Variants in PLSCR2 observed in about 807,000 individuals in gnomAD.
PLSCR2 encodes the protein PL scramblase 2.
In PLSCR2, 18 loss-of-function variants were observed where a neutral mutation model predicts 25.3. The observed-to-expected ratio is 0.71, with a 90% CI of 0.49 to 1.06. PLSCR2 has a LOEUF of 1.06. Among genes scored for constraint, PLSCR2 ranks in the 50% least tolerant of loss-of-function variants. The pLI, the probability that PLSCR2 is intolerant of heterozygous loss-of-function variation, is 0.00. For missense variants in PLSCR2, 243 were observed against 269.5 expected, an observed-to-expected ratio of 0.90 and a Z score of 0.69; for synonymous variants, 88 against 87.3, an observed-to-expected ratio of 1.01 and a Z score of -0.04.
chr3:146,463,244 T>G (rs541760215), upstream of PLSCR2, among the ~76,000 whole-genome samples: 7 of 152,282 alleles, frequency 4.6e-5, no homozygotes, highest in East Asian at 9.7e-4. Context: ...TGGCGAGATC[T>G]GGGCTCACTG....
At chr3:146,406,628 G>C (rs943741814) in intron 2 of PLSCR2, among the ~76,000 whole-genome samples, 1 of 152,152 alleles carries the variant, frequency 6.6e-6, no homozygotes, top group African/African-American at 2.4e-5. Context: ...CCTGACTTAG[G>C]TGCAGTTTTA....
intron 2 of PLSCR2, among the ~76,000 whole-genome samples, chr3:146,418,997 T>G (rs1027233564): frequency 6.6e-6 from 1 of 152,158 alleles, no homozygotes; most frequent in African/African-American, 2.4e-5. Flanking sequence ...GAGCACAATT[T>G]CCTGACATTG....
At chr3:146,442,043 C>T (rs1283323403) in intron 6 of PLSCR2, among the ~76,000 whole-genome samples, 1 of 151,886 alleles carries the variant, frequency 6.6e-6, no homozygotes, top group African/African-American at 2.4e-5. Flanking sequence ...TTATTGACAC[C>T]TGCATTAATT....
intron 2 of PLSCR2, among the ~76,000 whole-genome samples, chr3:146,418,819 T>C: frequency 6.6e-6 from 1 of 152,284 alleles, no homozygotes; most frequent in Non-Finnish European, 1.5e-5. Context: ...GCTCCTCCAT[T>C]GATATTTCCT....
chr3:146,461,967 A>C, upstream of PLSCR2: 1 of 1,350,316 alleles, frequency 7.4e-7, no homozygotes, highest in South Asian at 1.4e-5. Flanking sequence ...CTAAAAAAAA[A>C]AATGACAAAG....
chr3:146,483,948 T>C (rs1210752815), intron 1 of PLSCR2, among the ~76,000 whole-genome samples: 1 of 151,758 alleles, frequency 6.6e-6, no homozygotes, highest in Non-Finnish European at 1.5e-5. Flanking sequence ...GATGGATCAA[T>C]TGACAGAAGT....
At chr3:146,483,806 C>T (rs1167105237) in intron 1 of PLSCR2, among the ~76,000 whole-genome samples, 9 of 150,836 alleles carry the variant, frequency 6.0e-5, no homozygotes, top group Non-Finnish European at 1.2e-4. Flanking sequence ...AAGATCAAAA[C>T]TACACAAATT....
At chr3:146,391,840 T>C (rs1324245144) in intron 3 of PLSCR2, among the ~76,000 whole-genome samples, 2 of 152,124 alleles carry the variant, frequency 1.3e-5, no homozygotes, top group Non-Finnish European at 2.9e-5. Flanking sequence ...TTTACTTATG[T>C]ATGTTTTTTC....
chr3:146,492,299 C>G (rs774460121), intron 1 of PLSCR2, among the ~76,000 whole-genome samples: 3 of 152,134 alleles, frequency 2.0e-5, no homozygotes, highest in Non-Finnish European at 4.4e-5. Context: ...CTTGACCAAA[C>G]AGATGTAACA....
intron 6 of PLSCR2, among the ~76,000 whole-genome samples, chr3:146,443,287 TAA>T (rs2040354743): frequency 6.6e-6 from 1 of 152,058 alleles, no homozygotes; most frequent in Non-Finnish European, 1.5e-5. Context: ...CCTCATAGAA[TAA>T]GTTTGCACGT....
At chr3:146,398,612 ATAAT>A (rs1329508500) in intron 2 of PLSCR2, 1 of 151,472 alleles carries the variant, frequency 6.6e-6, no homozygotes, top group African/African-American at 2.4e-5. Context: ...AAGAAATCTA[ATAAT>A]TAACTAATTT....
upstream of PLSCR2, among the ~76,000 whole-genome samples, chr3:146,461,197 T>C (rs1244275766): frequency 1.3e-5 from 2 of 152,218 alleles, no homozygotes; most frequent in African/African-American, 4.8e-5. Flanking sequence ...CAAGGGACTA[T>C]GTTCCTCAAT....
intron 1 of PLSCR2, among the ~76,000 whole-genome samples, chr3:146,486,384 T>C (rs953988620): frequency 8.7e-6 from 1 of 115,578 alleles, no homozygotes; most frequent in East Asian, 2.5e-4. Flanking sequence ...TCCAGGAGCT[T>C]TTTTTTTTTG....
intron 1 of PLSCR2, among the ~76,000 whole-genome samples, chr3:146,482,613 T>C (rs1037368993): frequency 6.6e-6 from 1 of 152,170 alleles, no homozygotes; most frequent in African/African-American, 2.4e-5. Context: ...TAGGAACACT[T>C]TTACACTGTT....
intron 2 of PLSCR2, among the ~76,000 whole-genome samples, chr3:146,404,532 C>T (rs2038584663): frequency 6.6e-6 from 1 of 152,156 alleles, no homozygotes; most frequent in Non-Finnish European, 1.5e-5. Flanking sequence ...TTGGGGGATG[C>T]ATTCAGACCA....
chr3:146,476,718 C>T (rs1185013277), intron 1 of PLSCR2, among the ~76,000 whole-genome samples: 2 of 152,242 alleles, frequency 1.3e-5, no homozygotes, highest in African/African-American at 4.8e-5. Context: ...CCCCATAGTA[C>T]AGCACACCAG....
chr3:146,407,827 G>A (rs1023503722), intron 2 of PLSCR2, among the ~76,000 whole-genome samples: 3 of 152,094 alleles, frequency 2.0e-5, no homozygotes, highest in Non-Finnish European at 4.4e-5. Flanking sequence ...AGTTGCACTC[G>A]CCTTTCGTAC....
At chr3:146,406,865 G>T (rs1188502137) in intron 2 of PLSCR2, among the ~76,000 whole-genome samples, 2 of 152,178 alleles carry the variant, frequency 1.3e-5, no homozygotes, top group Non-Finnish European at 2.9e-5. Flanking sequence ...GACCCCGTCT[G>T]GTCAGGAATT....
chr3:146,421,183 G>C (rs2039137656), intron 2 of PLSCR2, among the ~76,000 whole-genome samples: 1 of 152,000 alleles, frequency 6.6e-6, no homozygotes, highest in Non-Finnish European at 1.5e-5. Flanking sequence ...TGGGGTTGAA[G>C]ACTTTTTTAC....
Sources: allele counts gnomAD v4.1 joint callset (sites outside exome capture counted in the v4.1 genomes callset), GRCh38; gene constraint gnomAD v4.1.1; transcripts MANE v1.5; gene names NCBI Gene and HGNC (gene_info 2026-07-23, HGNC 2026-07-21).